The following RASSF5 variants were observed in gnomAD, a reference collection of about 807,000 sequenced individuals.
RASSF5 encodes the protein ras association domain-containing protein 5.
In RASSF5, 25 loss-of-function variants were observed where a neutral mutation model predicts 40.5. The observed-to-expected ratio is 0.62, with a 90% CI of 0.45 to 0.86. The LOEUF is 0.86. Ranked by LOEUF, RASSF5 falls within the 40% of genes least tolerant of loss-of-function variation. RASSF5 has a pLI of 0.00. For synonymous variants in RASSF5, 246 were observed against 252.4 expected, an observed-to-expected ratio of 0.97 and a Z score of 0.24; for missense variants, 521 against 572.8, an observed-to-expected ratio of 0.91 and a Z score of 0.92.
chr1:206,556,489 A>T (rs1176156867), intron 2 of RASSF5, among the ~76,000 whole-genome samples: 4 of 152,182 alleles, frequency 2.6e-5, no homozygotes, highest in Admixed American at 6.5e-5. Context: ...AGATGGGAAA[A>T]TATAAATGAG....
At chr1:206,570,981 A>G (rs1211398988) in intron 2 of RASSF5, among the ~76,000 whole-genome samples, 4 of 152,086 alleles carry the variant, frequency 2.6e-5, no homozygotes, top group African/African-American at 9.7e-5. Flanking sequence ...TCACATGGTA[A>G]TTCTGTTTAA....
intron 2 of RASSF5, among the ~76,000 whole-genome samples, chr1:206,565,498 G>A (rs1469812435): frequency 4.6e-5 from 7 of 152,164 alleles, no homozygotes; most frequent in Admixed American, 2.0e-4. Flanking sequence ...CTTTCCTATA[G>A]CACTGAGCAC....
At chr1:206,569,779 C>A (rs559017516) in intron 2 of RASSF5, among the ~76,000 whole-genome samples, 4 of 152,164 alleles carry the variant, frequency 2.6e-5, no homozygotes, top group Non-Finnish European at 4.4e-5. Context: ...CAGGCATGCC[C>A]GCTACGACTG....
intron 2 of RASSF5, among the ~76,000 whole-genome samples, chr1:206,578,472 G>A (rs563423348): frequency 9.2e-5 from 14 of 152,108 alleles, no homozygotes; most frequent in Non-Finnish European, 1.5e-4. Flanking sequence ...GTGAATCATC[G>A]TCATCATTCA....
In RASSF5 at chr1:206,584,392, A is replaced by C; in HGVS notation, c.696A>C (p.Glu232Asp). 1 of 1,610,700 alleles carries C rather than the reference A, an allele frequency of 6.2e-7. No homozygotes were observed. Among genetic ancestry groups the C allele is most frequent in the Non-Finnish European group, 8.5e-7 (1 of 1,177,794 alleles). Residue 232 changes from glutamate (E) to aspartate (D), a missense_variant, in exon 4 of 6, where the codon GAA becomes GAC. Physicochemically the swap from Glu to Asp is conservative, Grantham distance 45. Coordinates refer to ENST00000579436, the MANE Select transcript of RASSF5 (RefSeq NM_182663.4). This position sits in a 1 kb window ranked among gnomAD's most constrained non-coding sequence, Gnocchi z 4.9. ...TGACATGCCCCCGCTGGCAGAGTGA[A>C]GACGGCACCTACACGGGTTTCATCA... is the stretch of plus-strand genomic sequence containing the variant. ...EKNCLGMKLS[E>D]DGTYTGFIKV... is the part of the protein sequence containing the mutation.
intron 1 of RASSF5, chr1:206,528,903 G>T (rs191882638): frequency 5.4e-6 from 3 of 554,204 alleles, no homozygotes; most frequent in African/African-American, 3.8e-5. Flanking sequence ...CTCTCTCCTC[G>T]CATTGCCCAA....
intron 1 of RASSF5, among the ~76,000 whole-genome samples, chr1:206,537,613 A>G (rs1667449816): frequency 1.3e-5 from 2 of 152,210 alleles, no homozygotes; most frequent in Non-Finnish European, 2.9e-5. Context: ...CAAGCATCCC[A>G]AATTTGAAAA....
intron 1 of RASSF5, chr1:206,528,902 C>T (rs1667164331): frequency 5.4e-6 from 3 of 554,832 alleles, no homozygotes; most frequent in African/African-American, 3.8e-5. Context: ...GCTCTCTCCT[C>T]GCATTGCCCA....
At chr1:206,570,407 C>A (rs1030410660) in intron 2 of RASSF5, among the ~76,000 whole-genome samples, 2 of 152,104 alleles carry the variant, frequency 1.3e-5, no homozygotes, top group African/African-American at 4.8e-5. Flanking sequence ...ATGTACCATT[C>A]TTAAGTGCAT....
chr1:206,578,471 C>T (rs1175740915), intron 2 of RASSF5, among the ~76,000 whole-genome samples: 3 of 151,992 alleles, frequency 2.0e-5, no homozygotes, highest in Non-Finnish European at 4.4e-5. Context: ...AGTGAATCAT[C>T]GTCATCATTC....
intron 1 of RASSF5, among the ~76,000 whole-genome samples, chr1:206,519,553 CCTGCTTCT>C (rs1194180729): frequency 2.6e-5 from 4 of 152,190 alleles, no homozygotes; most frequent in African/African-American, 7.2e-5. Flanking sequence ...GGGTCTGGAA[CCTGCTTCT>C]CTTTAACGGT....
At position 206,508,103 on chromosome 1, in the gene RASSF5, C is replaced by T. The variant is rs782188698; in HGVS notation, c.457+44C>T. 7.6e-6 allele frequency: 10 copies of T among 1,313,072 alleles called. No individual in the cohort carries two copies. The African/African-American group carries it at 1.4e-4, about 18-fold the overall frequency. The allele number at this position is 1,313,072 out of a possible 1,614,324, so 81.3% of individuals were successfully genotyped here. On this transcript the variant is annotated intron_variant, in intron 1 of 5. Transcript: ENST00000579436. Reference sequence around the variant, plus strand: ...GAGGGGCGTGCGGGGAGACCGCAGTCTGGGGGCGAAGGACTGGGAGGGCCC... The same window carrying T: ...GAGGGGCGTGCGGGGAGACCGCAGTTTGGGGGCGAAGGACTGGGAGGGCCC...
At position 206,507,609 on chromosome 1, in the gene RASSF5, A is replaced by C. The variant is rs1553393895; in HGVS notation, c.7A>C (p.Met3Leu). The change falls in exon 1 of 6, where the codon ATG (methionine) becomes CTG (leucine). Residue 3 changes from methionine (M) to leucine (L), a missense_variant. Transcript: ENST00000579436. ...CTGCCGCCACTAGCCGGGCATGGCCATGGCGTCCCCGGCCATCGGGCAGCG... is the reference window on the plus strand; with the variant it reads ...CTGCCGCCACTAGCCGGGCATGGCCCTGGCGTCCCCGGCCATCGGGCAGCG... The part of the protein sequence containing the change: MA[M>L]ASPAIGQRPY... 6.6e-7 allele frequency: 1 copy of C among 1,514,422 alleles called. No individual in the cohort carries two copies. Among genetic ancestry groups the C allele is most frequent in the Admixed American group, 2.0e-5 (1 of 50,294 alleles). The allele number at this position is 1,514,422 out of a possible 1,614,324, so 93.8% of individuals were successfully genotyped here. A position where few individuals can be genotyped will look rare whatever the true frequency, so the allele number is the denominator to read the frequency against.
rs1435069310 is a variant in RASSF5, at chr1:206,557,435, G to C, written c.579+19142G>C. ...GCCGGCTCTGCCTGGTCCGCTACCC[G>C]ACCAGCTCCCGGCTCGGGGCTCAGA... On this transcript the variant is annotated intron_variant, in intron 2 of 5. Coordinates refer to ENST00000579436, the MANE Select transcript of RASSF5 (RefSeq NM_182663.4). The C allele has an allele frequency of 2.1e-6, 3 of 1,425,346 alleles. No homozygotes were observed. In the African/African-American group the frequency reaches 4.4e-5, roughly 21 times the overall value. 88.3% of individuals were successfully genotyped at this position (1,425,346 alleles called of 1,614,324 possible). A position where few individuals can be genotyped will look rare whatever the true frequency, so the allele number is the denominator to read the frequency against.
rs782806231 is a variant in RASSF5 at position 206,584,586 on chromosome 1, C to T, written c.890C>T (p.Thr297Ile). Residue 297 changes from threonine to isoleucine, a missense_variant, in exon 4 of 6, where the codon ACC (threonine) becomes ATC (isoleucine). Around this residue, in one of 2 missense-constraint regions of RASSF5, gnomAD observed 284 missense variants for 360.8 expected, o/e 0.79. Transcript: ENST00000579436. The surrounding 1 kb of genome is among the most constrained non-coding windows in gnomAD (Gnocchi z 4.9). ...IKQLHISSTT[T>I]VSEVIQGLLK... ...CAGCTGCACATCAGCAGCACCACCACCGTCAGTGAGGTCATCCAGGGGCTG... is the reference window on the plus strand; with the variant it reads ...CAGCTGCACATCAGCAGCACCACCATCGTCAGTGAGGTCATCCAGGGGCTG... 14 of 1,614,120 alleles carry T rather than the reference C, an allele frequency of 8.7e-6. No homozygotes were observed. The Admixed American group carries it at 1.8e-4, about 21-fold the overall frequency.
At chr1:206,525,420 T>G (rs782394315) in intron 1 of RASSF5, among the ~76,000 whole-genome samples, 3 of 152,140 alleles carry the variant, frequency 2.0e-5, no homozygotes, top group Non-Finnish European at 4.4e-5. Context: ...ATTTTTCTTA[T>G]TTTTTAGAGA....
chr1:206,510,000 G>C (rs1026529224), intron 1 of RASSF5, among the ~76,000 whole-genome samples: 4 of 152,156 alleles, frequency 2.6e-5, no homozygotes. Context: ...CTGAACACTG[G>C]AGAGAAAGCA....
At chr1:206,514,326 A>T (rs1471548299) in intron 1 of RASSF5, among the ~76,000 whole-genome samples, 1 of 152,082 alleles carries the variant, frequency 6.6e-6, no homozygotes, top group East Asian at 1.9e-4. Context: ...CCTACCTATA[A>T]CTACTGCCCT....
At chr1:206,536,710 G>A (rs1415939140) in intron 1 of RASSF5, among the ~76,000 whole-genome samples, 1 of 152,168 alleles carries the variant, frequency 6.6e-6, no homozygotes, top group African/African-American at 2.4e-5. Context: ...AGGTGCCTGA[G>A]CCCTTATCAA....
Sources: allele counts gnomAD v4.1 joint callset (sites outside exome capture counted in the v4.1 genomes callset), GRCh38; gene constraint gnomAD v4.1.1; regional missense constraint gnomAD v4.1.1; non-coding constraint Gnocchi (gnomAD v3.1); transcripts MANE v1.5; gene names NCBI Gene and HGNC (gene_info 2026-07-23, HGNC 2026-07-21).